TUBAL3: variants seen among roughly 807,000 people sequenced by gnomAD.
TUBAL3 encodes the protein tubulin alpha chain-like 3.
TUBAL3 carries 16 observed loss-of-function variants against 15.5 expected under a neutral mutation model. The ratio of observed to expected loss-of-function variants is 1.04; its 90% CI spans 0.70 to 1.57. TUBAL3 has a LOEUF of 1.57. Ranked by LOEUF, TUBAL3 falls within the 40% of genes most tolerant of loss-of-function variation. TUBAL3 has a pLI of 0.00. For synonymous variants in TUBAL3, 238 were observed against 224.3 expected, an observed-to-expected ratio of 1.06 and a Z score of -0.55; for missense variants, 609 against 576.2, an observed-to-expected ratio of 1.06 and a Z score of -0.58.
In TUBAL3 at chr10:5,395,580, C is replaced by T. The variant is rs1304553662; in HGVS notation, c.248-105G>A. 2 of 1,224,518 alleles carry T rather than the reference C, an allele frequency of 1.6e-6. No individual in the cohort carries two copies. Among genetic ancestry groups the T allele is most frequent in the Non-Finnish European group, 1.1e-6 (1 of 927,960 alleles). The allele number at this position is 1,224,518 out of a possible 1,614,324, so 75.9% of individuals were successfully genotyped here. On this transcript the variant is annotated intron_variant, in intron 2 of 3. Transcript: ENST00000380419. The surrounding 1 kb of genome is among the most constrained non-coding windows in gnomAD (Gnocchi z 4.6). The stretch of plus-strand genomic sequence containing the variant: ...TCCCCGTACTTGACTCCCATGCTTT[C>T]TCTCAATATTGTGGTCCAGGAATGG...
chr10:5,393,308 G>A lies in TUBAL3; in HGVS notation c.*209C>T, dbSNP rs1831704790. On this transcript the variant is annotated 3_prime_UTR_variant, in exon 4 of 4. Transcript: ENST00000380419. ...GACTCTAAGCTTCCAAAGGCTCCCA[G>A]GTAGCAGAGCTGACTTGTACCAGTA... 6.1e-6 allele frequency: 3 copies of A among 493,150 alleles called. No individual in the cohort carries two copies. The highest frequency in any genetic ancestry group is 9.2e-5 in the South Asian group (2 of 21,756). The allele number at this position is 493,150 out of a possible 1,614,324, so 30.5% of individuals were successfully genotyped here.
chr10:5,394,218 C>T lies in TUBAL3; in HGVS notation c.640G>A (p.Glu214Lys), dbSNP rs781976987. Residue 214 changes from glutamate to lysine, a missense_variant, in exon 4 of 4, where the codon GAG (glutamate) becomes AAG (lysine). Physicochemically the swap from Glu to Lys is moderately conservative, Grantham distance 56. Coordinates refer to ENST00000380419, the MANE Select transcript of TUBAL3 (RefSeq NM_024803.3). The surrounding 1 kb of genome is among the most constrained non-coding windows in gnomAD (Gnocchi z 4.3). ...CGATGGCATATATCATAGACGGCCT[C>T]GTTGTCCACCATGAAGGTACAGTCC... The part of the protein sequence containing the change: ...HTDCTFMVDN[E>K]AVYDICHRKL... 1.2e-5 allele frequency: 19 copies of T among 1,613,996 alleles called. No homozygotes were observed. The highest frequency in any genetic ancestry group is 1.5e-5 in the Non-Finnish European group (18 of 1,180,046).
rs782746586 is a variant in TUBAL3 at position 5,393,526 on chromosome 10, T to C, written c.1332A>G (p.Gln444=). The C allele has an allele frequency of 2.5e-6, 4 of 1,601,764 alleles. No individual in the cohort carries two copies. Among genetic ancestry groups the C allele is most frequent in the Non-Finnish European group, 3.4e-6 (4 of 1,174,284 alleles). The change falls in exon 4 of 4, where the codon CAA becomes CAG. Residue 444 remains glutamine (Q), a synonymous_variant. Coordinates refer to ENST00000380419, the MANE Select transcript of TUBAL3 (RefSeq NM_024803.3). ...ACCCATCATACATGCCTCAGAAACTTTGCGCCACTTCCTCATAGTCCCTCT... is the reference window on the plus strand; with the variant it reads ...ACCCATCATACATGCCTCAGAAACTCTGCGCCACTTCCTCATAGTCCCTCT... ...ALERDYEEVA[Q]SF
At chr10:5,401,148 C>T (rs1831846126) in intron 1 of TUBAL3, 61 bp from the exon 2 acceptor site, 1 of 1,588,778 alleles carries the variant, frequency 6.3e-7, no homozygotes, top group Admixed American at 1.7e-5. Context: ...AGATCTGTTA[C>T]TCAGCCCTTC....
intron 1 of TUBAL3, among the ~76,000 whole-genome samples, chr10:5,404,189 T>C (rs577558912): frequency 6.6e-6 from 1 of 152,350 alleles, no homozygotes; most frequent in South Asian, 2.1e-4. Flanking sequence ...GTTCGAAATG[T>C]TGCTTCCATT....
Position 5,393,433 on chromosome 10 carries a change from G to T in TUBAL3, c.*84C>A. 1 of 1,254,670 alleles carries T rather than the reference G, an allele frequency of 8.0e-7. No individual in the cohort carries two copies. The highest frequency in any genetic ancestry group is 1.5e-5 in the South Asian group (1 of 67,240). The allele number at this position is 1,254,670 out of a possible 1,614,324, so 77.7% of individuals were successfully genotyped here. On this transcript the variant is annotated 3_prime_UTR_variant, in exon 4 of 4. Coordinates refer to ENST00000380419, the MANE Select transcript of TUBAL3 (RefSeq NM_024803.3). Reference sequence around the variant, plus strand: ...TGAGTTCATTTTTCTGCTCATCAGGGGAACTACCCACTAGGCATATAACGG... The same window carrying T: ...TGAGTTCATTTTTCTGCTCATCAGGTGAACTACCCACTAGGCATATAACGG...
In TUBAL3 at chr10:5,395,755, A is replaced by C. The variant is rs1831754970; in HGVS notation, c.248-280T>G. On this transcript the variant is annotated intron_variant, in intron 2 of 3. Transcript: ENST00000380419. The surrounding 1 kb of genome is among the most constrained non-coding windows in gnomAD (Gnocchi z 4.6). ...GACAACAAACATCATGGCTTAAAAC[A>C]ATAGGAATTTATTTCCTAACAGCTC... Among the ~76,000 whole-genome samples, 1 of 152,208 alleles carries C rather than the reference A, an allele frequency of 6.6e-6. No homozygotes were observed. The highest frequency in any genetic ancestry group is 2.4e-5 in the African/African-American group (1 of 41,456).
At position 5,395,312 on chromosome 10, in the gene TUBAL3, G is replaced by T. The variant is rs782657104; in HGVS notation, c.396+15C>A. Reference sequence around the variant, plus strand: ...CCAGGCACAGCCCACTCGGAGGAGAGGGGGAGCCACTTGCCAGCTTCCGGG... The same window carrying T: ...CCAGGCACAGCCCACTCGGAGGAGATGGGGAGCCACTTGCCAGCTTCCGGG... On this transcript the variant is annotated intron_variant, in intron 3 of 3. Coordinates refer to ENST00000380419, the MANE Select transcript of TUBAL3 (RefSeq NM_024803.3). The surrounding 1 kb of genome is among the most constrained non-coding windows in gnomAD (Gnocchi z 4.6). 15 of 1,521,078 alleles carry T rather than the reference G, an allele frequency of 9.9e-6. No homozygotes were observed. Among genetic ancestry groups the T allele is most frequent in the Admixed American group, 5.7e-5 (3 of 52,322 alleles). The allele number at this position is 1,521,078 out of a possible 1,614,324, so 94.2% of individuals were successfully genotyped here. A position where few individuals can be genotyped will look rare whatever the true frequency, so the allele number is the denominator to read the frequency against.
At chr10:5,402,281 G>T (rs2119149359) in intron 1 of TUBAL3, among the ~76,000 whole-genome samples, 1 of 152,066 alleles carries the variant, frequency 6.6e-6, no homozygotes, top group Admixed American at 6.5e-5. Context: ...GTTTTTAAGA[G>T]AAGGAAAGAA....
chr10:5,402,636 G>T (rs1049418198), intron 1 of TUBAL3, among the ~76,000 whole-genome samples: 3 of 152,204 alleles, frequency 2.0e-5, no homozygotes, highest in South Asian at 2.1e-4. Context: ...GCCCTGTTAG[G>T]AACTGGGCTT....
chr10:5,398,420 CAAAAA>C (rs67359864), intron 2 of TUBAL3, among the ~76,000 whole-genome samples: 11 of 80,882 alleles, frequency 1.4e-4, no homozygotes, highest in East Asian at 7.4e-4. Flanking sequence ...AACTCTGTCT[CAAAAA>C]AAAAAAAAAA....
chr10:5,401,807 C>G (rs1831858186), intron 1 of TUBAL3, among the ~76,000 whole-genome samples: 5 of 151,454 alleles, frequency 3.3e-5, no homozygotes, highest in Admixed American at 3.3e-4. Flanking sequence ...AAACAAATTA[C>G]AAAAGAAAGA....
At position 5,403,393 on chromosome 10, in the gene TUBAL3, T is replaced by C. The variant is rs190280944; in HGVS notation, c.3+1397A>G. 5.9e-5 allele frequency among the ~76,000 whole-genome samples: 9 copies of C among 152,354 alleles called. No homozygotes were observed. In the East Asian group the frequency reaches 1.7e-3, roughly 29 times the overall value. Reference sequence around the variant, plus strand: ...GTGAACGTTCATTGTTTCTACATCATTAAAACCTCTTACTTTGTAAAGTTT... The same window carrying C: ...GTGAACGTTCATTGTTTCTACATCACTAAAACCTCTTACTTTGTAAAGTTT... On this transcript the variant is annotated intron_variant, in intron 1 of 3. Coordinates refer to ENST00000380419, the MANE Select transcript of TUBAL3 (RefSeq NM_024803.3).
chr10:5,393,914 C>G lies in TUBAL3; in HGVS notation c.944G>C (p.Arg315Pro). Reference sequence around the variant, plus strand: ...GCAGCAGGCCATGTACTTCCCAAGCCGAGGATCACACTTGACCAGCTGGTT... The same window carrying G: ...GCAGCAGGCCATGTACTTCCCAAGCGGAGGATCACACTTGACCAGCTGGTT... ...SSNQLVKCDP[R>P]LGKYMACCLL... Residue 315 changes from arginine (R) to proline (P), a missense_variant, in exon 4 of 4, where the codon CGG becomes CCG. Physicochemically the swap from Arg to Pro is moderately radical, Grantham distance 103. Coordinates refer to ENST00000380419, the MANE Select transcript of TUBAL3 (RefSeq NM_024803.3). 6.2e-7 allele frequency: 1 copy of G among 1,614,198 alleles called. No individual in the cohort carries two copies. The highest frequency in any genetic ancestry group is 8.5e-7 in the Non-Finnish European group (1 of 1,180,042).
In TUBAL3 at chr10:5,395,217, G is replaced by A. The variant is rs1831744208; in HGVS notation, c.396+110C>T. 1.7e-6 allele frequency: 2 copies of A among 1,210,232 alleles called. No individual in the cohort carries two copies. Among genetic ancestry groups the A allele is most frequent in the South Asian group, 2.0e-5 (1 of 49,726 alleles). 75.0% of individuals were successfully genotyped at this position (1,210,232 alleles called of 1,614,324 possible). Reference sequence around the variant, plus strand: ...TCTGAGCACCCAGACCAGAGCCCAGGGAGAGACGGTTGGTGGCGATGGTGA... The same window carrying A: ...TCTGAGCACCCAGACCAGAGCCCAGAGAGAGACGGTTGGTGGCGATGGTGA... On this transcript the variant is annotated intron_variant, in intron 3 of 3. Coordinates refer to ENST00000380419, the MANE Select transcript of TUBAL3 (RefSeq NM_024803.3). This position sits in a 1 kb window ranked among gnomAD's most constrained non-coding sequence, Gnocchi z 4.6.
chr10:5,399,121 C>A (rs1267926424), intron 2 of TUBAL3, among the ~76,000 whole-genome samples: 1 of 152,194 alleles, frequency 6.6e-6, no homozygotes, highest in Non-Finnish European at 1.5e-5. Context: ...AGTTCCTTGA[C>A]TTCCCCAAGA....
At position 5,404,701 on chromosome 10, in the gene TUBAL3, A is replaced by G. The variant is rs1057147054; in HGVS notation, c.3+89T>C. On this transcript the variant is annotated intron_variant, in intron 1 of 3. Transcript: ENST00000380419. ...TACAAATGTCTTCTCTTGCATTACAATTTTATTAAGAATTGTTTGCTGTGG... is the reference window on the plus strand; with the variant it reads ...TACAAATGTCTTCTCTTGCATTACAGTTTTATTAAGAATTGTTTGCTGTGG... 1.2e-5 allele frequency: 17 copies of G among 1,374,512 alleles called. No individual in the cohort carries two copies. The African/African-American group carries it at 2.3e-4, about 19-fold the overall frequency. The allele number at this position is 1,374,512 out of a possible 1,614,324, so 85.1% of individuals were successfully genotyped here.
chr10:5,394,837 T>C lies in TUBAL3; in HGVS notation c.397-376A>G, dbSNP rs7477292. Among the ~76,000 whole-genome samples the C allele has an allele frequency of 0.76, 116,340 of 152,092 alleles. 44,654 individuals are homozygous for C. Among genetic ancestry groups the C allele is most frequent in the East Asian group, 0.82 (4,258 of 5,168 alleles). On this transcript the variant is annotated intron_variant, in intron 3 of 3. Transcript: ENST00000380419. This position sits in a 1 kb window ranked among gnomAD's most constrained non-coding sequence, Gnocchi z 4.3. ...CCATCTGGCATGCTGGTGTAAAAGG[T>C]GTTGTAGTAGCTAACAAATATGACA... is the stretch of plus-strand genomic sequence containing the variant.
rs1193892941 is a variant in TUBAL3, at chr10:5,394,394, C to A, written c.464G>T (p.Gly155Val). ...CCTCTCCATTAAGAGAGACGTAAAC[C>A]CTGAACCAGTGCCTCCTCCAAAGCT... Reference protein sequence around the residue: ...FRSFGGGTGSGFTSLLMERLT... With the variant: ...FRSFGGGTGSVFTSLLMERLT... The change falls in exon 4 of 4, where the codon GGG becomes GTG. Residue 155 changes from glycine to valine, a missense_variant. Transcript: ENST00000380419. This position sits in a 1 kb window ranked among gnomAD's most constrained non-coding sequence, Gnocchi z 4.3. The A allele has an allele frequency of 6.2e-7, 1 of 1,613,924 alleles. No homozygotes were observed. Among genetic ancestry groups the A allele is most frequent in the African/African-American group, 1.3e-5 (1 of 74,884 alleles).
Sources: gnomAD v4.1 joint callset for allele counts (sites outside exome capture counted in the v4.1 genomes callset) on GRCh38, gnomAD v4.1.1 for gene constraint, Gnocchi (gnomAD v3.1) non-coding constraint, MANE v1.5 for transcripts, NCBI Gene and HGNC (gene_info 2026-07-23, HGNC 2026-07-21) for gene names.